AHRR: variants seen among roughly 807,000 people sequenced by gnomAD.
The protein encoded by AHRR is aryl hydrocarbon receptor repressor, also known as ahR repressor.
AHRR carries 28 observed loss-of-function variants against 44.0 expected under a neutral mutation model. The observed-to-expected ratio is 0.64, with a 90% confidence interval of 0.47 to 0.87. The LOEUF (loss-of-function observed/expected upper bound fraction) is 0.87. AHRR is among the 40% of genes least tolerant of loss of function. The pLI is 0.00. For synonymous variants in AHRR, 434 were observed against 407.0 expected (o/e 1.07, Z -0.80); for missense variants, 990 against 953.9 (o/e 1.04, Z -0.50).
intron 4 of AHRR, among the ~76,000 whole-genome samples, chr5:397,360 C>T (rs1438554235): frequency 7.3e-6 from 1 of 137,706 alleles, no homozygotes; most frequent in Non-Finnish European, 1.6e-5. Flanking sequence ...CCATGTTAGC[C>T]CCTGACCATC....
chr5:345,079 T>TGGGGAGAGGGGTGG (rs755125228), intron 2 of AHRR, among the ~76,000 whole-genome samples: 1 of 41,740 alleles, frequency 2.4e-5, no homozygotes, highest in Non-Finnish European at 4.7e-5. Flanking sequence ...GATGTGTGTG[T>TGGGGAGAGGGGTGG]GTGTGTGTGT....
intron 4 of AHRR, 81 bp downstream of exon 4, chr5:376,797 G>A: frequency 7.9e-7 from 1 of 1,267,650 alleles, no homozygotes; most frequent in Non-Finnish European, 1.1e-6. Context: ...CATACTCCGT[G>A]TCACGCATGT....
chr5:432,560 T>C (rs1707792733), intron 9 of AHRR, 36 bp downstream of exon 9: 3 of 1,602,546 alleles, frequency 1.9e-6, no homozygotes, highest in East Asian at 2.2e-5. Context: ...CTTTTCCACA[T>C]GGGTAAAATG....
At chr5:365,609 T>C (rs1743330219) in intron 3 of AHRR, among the ~76,000 whole-genome samples, 1 of 151,346 alleles carries the variant, frequency 6.6e-6, no homozygotes, top group African/African-American at 2.5e-5. Context: ...ATTGATGAAA[T>C]AGAAAAGAAA....
chr5:396,015 C>T (rs983956198), intron 4 of AHRR, among the ~76,000 whole-genome samples: 3 of 152,182 alleles, frequency 2.0e-5, no homozygotes, highest in Admixed American at 6.5e-5. Context: ...AACACAGGAC[C>T]ACAACTCAGG....
chr5:399,803 G>T (rs975625116), intron 4 of AHRR, among the ~76,000 whole-genome samples: 1 of 152,190 alleles, frequency 6.6e-6, no homozygotes, highest in Non-Finnish European at 1.5e-5. Flanking sequence ...GGGCCCCGGG[G>T]CTTCAGTCAG....
chr5:375,505 C>T (rs1743750636), intron 3 of AHRR, among the ~76,000 whole-genome samples: 7 of 152,198 alleles, frequency 4.6e-5, no homozygotes. Flanking sequence ...CGCCGGGACC[C>T]CGGCACAGGC....
In AHRR at chr5:376,625, G is replaced by A; in HGVS notation, c.260G>A (p.Ser87Asn). The A allele has an allele frequency of 6.3e-7, 1 of 1,598,626 alleles. No homozygotes were observed. The highest frequency in any genetic ancestry group is 2.2e-5 in the East Asian group (1 of 44,754). Residue 87 changes from serine to asparagine, a missense_variant, in exon 4 of 11, where the codon AGC (serine) becomes AAC (asparagine). Physicochemically the swap from Ser to Asn is conservative, Grantham distance 46 (BLOSUM62 1). Coordinates refer to ENST00000684583, the MANE Select transcript of AHRR (RefSeq NM_001377236.1). ...TCTCTGACAGTCGTGCAGGAGCAGA[G>A]CTCACGGCAGCCTGCGGCCGGCGCC... ...KSFFQVVQEQ[S>N]SRQPAAGAPS...
intron 4 of AHRR, among the ~76,000 whole-genome samples, chr5:398,848 C>T (rs956183985): frequency 6.6e-6 from 1 of 152,140 alleles, no homozygotes; most frequent in Admixed American, 6.5e-5. Context: ...TGTGTGTGGC[C>T]CTGGCTCCAG....
intron 1 of AHRR, among the ~76,000 whole-genome samples, chr5:330,880 T>G (rs573500553): frequency 7.5e-4 from 111 of 147,098 alleles, no homozygotes; most frequent in African/African-American, 2.6e-3. Context: ...TTTTTTTTTT[T>G]TTTTTTTTTT....
chr5:369,792 A>G (rs1261717164), intron 3 of AHRR, among the ~76,000 whole-genome samples: 2 of 152,248 alleles, frequency 1.3e-5, no homozygotes, highest in African/African-American at 4.8e-5. Flanking sequence ...GGCCATCAAG[A>G]ATCACTAAAT....
chr5:394,696 C>T (rs1000956878), intron 4 of AHRR, among the ~76,000 whole-genome samples: 18 of 152,330 alleles, frequency 1.2e-4, no homozygotes, highest in African/African-American at 4.1e-4. Context: ...ACTTTCCTGG[C>T]TGTGCCTCCT....
At chr5:354,521 C>G (rs987252708) in intron 3 of AHRR, among the ~76,000 whole-genome samples, 1 of 152,200 alleles carries the variant, frequency 6.6e-6, no homozygotes, top group Non-Finnish European at 1.5e-5. Context: ...CCTGTCTGTC[C>G]TTGGAAGCAT....
At chr5:391,175 C>G (rs1296069284) in intron 4 of AHRR, among the ~76,000 whole-genome samples, 4 of 152,228 alleles carry the variant, frequency 2.6e-5, no homozygotes, top group Non-Finnish European at 5.9e-5. Context: ...ACTAAGTCAG[C>G]AAAGATGCAA....
In AHRR at chr5:404,487, G is replaced by A. The variant is rs540775038; in HGVS notation, c.352-8857G>A. ...CGGTGTGTTCACCAAAACATCTAAC[G>A]CAACTATTTTCAGACTTTACGGTTT... On this transcript the variant is annotated intron_variant, in intron 4 of 10. Transcript: ENST00000684583. This position sits in a 1 kb window ranked among gnomAD's most constrained non-coding sequence, Gnocchi z 4.1. 57 of 465,780 alleles carry A rather than the reference G, an allele frequency of 1.2e-4. No homozygotes were observed. The highest frequency in any genetic ancestry group is 1.6e-4 in the Admixed American group (6 of 38,434). 28.9% of individuals were successfully genotyped at this position (465,780 alleles called of 1,614,324 possible). A position where few individuals can be genotyped will look rare whatever the true frequency, so the allele number is the denominator to read the frequency against.
At chr5:349,611 A>G (rs953884950) in intron 2 of AHRR, among the ~76,000 whole-genome samples, 3 of 152,152 alleles carry the variant, frequency 2.0e-5, no homozygotes, top group African/African-American at 7.2e-5. Flanking sequence ...GAAAATTTTA[A>G]AAAAAGAAAA....
In AHRR at chr5:380,976, C is replaced by T. The variant is rs565801679; in HGVS notation, c.351+4260C>T. Among the ~76,000 whole-genome samples, 10 of 152,322 alleles carry T rather than the reference C, an allele frequency of 6.6e-5. No homozygotes were observed. In the South Asian group the frequency reaches 2.1e-3, roughly 32 times the overall value. Reference sequence around the variant, plus strand: ...TAGCTCAAGGCCAAAGGCCTGAGAGCCCCCAGGAGGCCACTGGTGCAAGTC... The same window carrying T: ...TAGCTCAAGGCCAAAGGCCTGAGAGTCCCCAGGAGGCCACTGGTGCAAGTC... On this transcript the variant is annotated intron_variant, in intron 4 of 10. Transcript: ENST00000684583.
At chr5:397,698 A>C (rs1734797361) in intron 4 of AHRR, among the ~76,000 whole-genome samples, 1 of 126,588 alleles carries the variant, frequency 7.9e-6, no homozygotes, top group African/African-American at 3.3e-5. Flanking sequence ...CTGACCATCC[A>C]CGTAGCCCCT....
At chr5:359,934 A>G (rs992475954) in intron 3 of AHRR, among the ~76,000 whole-genome samples, 7 of 152,164 alleles carry the variant, frequency 4.6e-5, no homozygotes, top group African/African-American at 1.7e-4. Context: ...CTGAAGTTAT[A>G]CTTTATTAAG....
Sources: gnomAD v4.1 joint callset for allele counts (sites outside exome capture counted in the v4.1 genomes callset) on GRCh38, gnomAD v4.1.1 for gene constraint, Gnocchi (gnomAD v3.1) non-coding constraint, MANE v1.5 for transcripts, NCBI Gene and HGNC (gene_info 2026-07-23, HGNC 2026-07-21) for gene names.